The following SLC25A48 variants were observed in gnomAD, a reference collection of about 807,000 sequenced individuals.
The protein encoded by SLC25A48 is solute carrier family 25 member 48, also known as CTC-321K16.1.
Under a neutral mutation model 32.2 loss-of-function variants are expected in SLC25A48, and 29 were observed. The ratio of observed to expected loss-of-function variants is 0.90; its 90% CI spans 0.67 to 1.23. The LOEUF (loss-of-function observed/expected upper bound fraction) is 1.23. Ranked by LOEUF, SLC25A48 falls within the 50% of genes most tolerant of loss-of-function variation. The pLI is 0.00. For synonymous variants in SLC25A48, 164 were observed against 172.3 expected (o/e 0.95, Z 0.38); for missense variants, 399 against 422.7 (o/e 0.94, Z 0.49).
At chr5:135,782,784 T>C in intron 3 of SLC25A48, among the ~76,000 whole-genome samples, 1 of 118,852 alleles carries the variant, frequency 8.4e-6, no homozygotes, top group Non-Finnish European at 2.1e-5. Context: ...ACTCCCAATA[T>C]CCCTGGGCGT....
intron 3 of SLC25A48, among the ~76,000 whole-genome samples, chr5:135,771,106 AC>A (rs1202748130): frequency 2.0e-5 from 3 of 150,886 alleles, no homozygotes; most frequent in Admixed American, 2.0e-4. Context: ...GGGGGTGTAC[AC>A]CCCCCCGGTG....
rs547331451 is a variant in SLC25A48 at position 135,871,512 on chromosome 5, A to T, written c.473A>T (p.Tyr158Phe). 2.6e-4 allele frequency: 420 copies of T among 1,610,534 alleles called. 5 individuals carry two copies. In the East Asian group the frequency reaches 9.3e-3, roughly 35 times the overall value. The change falls in exon 5 of 8, where the codon TAC (tyrosine) becomes TTC (phenylalanine). Residue 158 changes from tyrosine to phenylalanine, a missense_variant. Physicochemically the swap from Tyr to Phe is conservative, Grantham distance 22. Transcript: ENST00000681962. Reference protein sequence around the residue: ...RAVAPAEQPAYQGPVHCITTI... With the variant: ...RAVAPAEQPAFQGPVHCITTI... Reference sequence around the variant, plus strand: ...GTGGCTCCTGCGGAGCAGCCAGCATACCAGGGGCCAGTGCACTGCATTACA... The same window carrying T: ...GTGGCTCCTGCGGAGCAGCCAGCATTCCAGGGGCCAGTGCACTGCATTACA...
chr5:135,755,867 T>G (rs1755890097), intron 3 of SLC25A48, among the ~76,000 whole-genome samples: 1 of 141,278 alleles, frequency 7.1e-6, no homozygotes. Context: ...CGCTGTGATA[T>G]TTATCATATC....
intron 3 of SLC25A48, among the ~76,000 whole-genome samples, chr5:135,653,039 G>A (rs1753153927): frequency 6.6e-6 from 1 of 152,192 alleles, no homozygotes; most frequent in Non-Finnish European, 1.5e-5. Flanking sequence ...TCTGCCATGT[G>A]AGAACACAGC....
chr5:135,691,055 T>C (rs1728905556), intron 3 of SLC25A48, among the ~76,000 whole-genome samples: 1 of 152,150 alleles, frequency 6.6e-6, no homozygotes, highest in East Asian at 1.9e-4. Flanking sequence ...GTGAAATCAA[T>C]GAATTAAGGA....
At chr5:135,711,699 C>T (rs566954934) in intron 3 of SLC25A48, among the ~76,000 whole-genome samples, 7 of 152,308 alleles carry the variant, frequency 4.6e-5, no homozygotes, top group African/African-American at 1.4e-4. Context: ...GTCTTTCCAG[C>T]GCATTAAAAT....
intron 3 of SLC25A48, among the ~76,000 whole-genome samples, chr5:135,755,516 T>G (rs1352135232): frequency 6.6e-6 from 1 of 152,042 alleles, no homozygotes; most frequent in Non-Finnish European, 1.5e-5. Flanking sequence ...ATGGTATTAA[T>G]GAAATATCAC....
intron 3 of SLC25A48, chr5:135,671,611 T>C (rs1184533551): frequency 6.6e-6 from 1 of 152,138 alleles, no homozygotes; most frequent in Non-Finnish European, 1.5e-5. Flanking sequence ...CCCCGCCCCA[T>C]TAACATTTGA....
intron 3 of SLC25A48, among the ~76,000 whole-genome samples, chr5:135,779,146 C>T (rs1452495428): frequency 6.6e-6 from 1 of 151,798 alleles, no homozygotes; most frequent in Non-Finnish European, 1.5e-5. Flanking sequence ...CGTACACCCA[C>T]CCCCTCTGTG....
At chr5:135,843,053 C>T (rs1759133578) in intron 2 of SLC25A48, among the ~76,000 whole-genome samples, 1 of 152,232 alleles carries the variant, frequency 6.6e-6, no homozygotes, top group African/African-American at 2.4e-5. Context: ...CCTTTCTCCC[C>T]ATCTTGCTCC....
chr5:135,780,368 G>A (rs1198479801), intron 3 of SLC25A48, among the ~76,000 whole-genome samples: 1 of 116,598 alleles, frequency 8.6e-6, no homozygotes, highest in African/African-American at 2.6e-5. Flanking sequence ...TTACAGGCGT[G>A]AGCCACCGCG....
At chr5:135,868,638 G>A (rs1761394881) in intron 4 of SLC25A48, among the ~76,000 whole-genome samples, 1 of 150,318 alleles carries the variant, frequency 6.7e-6, no homozygotes, top group Admixed American at 6.7e-5. Context: ...ATGTATGAAT[G>A]TGTAAAAATA....
Position 135,624,010 on chromosome 5 carries a change from G to A in SLC25A48, c.-848-5227G>A, listed in dbSNP as rs372021265. Among the ~76,000 whole-genome samples the A allele has an allele frequency of 7.2e-5, 11 of 152,316 alleles. No homozygotes were observed. The East Asian group carries it at 1.2e-3, about 16-fold the overall frequency. On this transcript the variant is annotated intron_variant, in intron 1 of 10. Transcript: ENST00000646290. ...AAGGGCTCCCTGTGCTGCTTCTCTT[G>A]TCAGTAGGAGAGGCTCTGGGGATGG... is the stretch of plus-strand genomic sequence containing the variant.
rs553720954 is a variant in SLC25A48 at position 135,815,565 on chromosome 5, C to T, written c.-117+2639C>T. 6.6e-5 allele frequency among the ~76,000 whole-genome samples: 10 copies of T among 152,316 alleles called. No homozygotes were observed. The East Asian group carries it at 1.3e-3, about 21-fold the overall frequency. ...AAAGGCCTGAGGGGCTGCCTTTGAA[C>T]TCTCTCTATGTATGGGTAAGGGCAA... On this transcript the variant is annotated intron_variant, in intron 4 of 10. Transcript: ENST00000646290.
At chr5:135,743,056 CTCCCT>C (rs1755546440) in intron 3 of SLC25A48, among the ~76,000 whole-genome samples, 1 of 51,554 alleles carries the variant, frequency 1.9e-5, no homozygotes, top group Non-Finnish European at 4.1e-5. Context: ...CTCCCCTCCC[CTCCCT>C]TCCCTTCCCT....
At chr5:135,596,680 C>A (rs1466282656) in intron 1 of SLC25A48, among the ~76,000 whole-genome samples, 3 of 152,154 alleles carry the variant, frequency 2.0e-5, no homozygotes, top group Non-Finnish European at 4.4e-5. Context: ...ATTTGCCACC[C>A]CCTCCATTCT....
chr5:135,854,997 G>A (rs1406460094), intron 4 of SLC25A48, among the ~76,000 whole-genome samples: 1 of 152,228 alleles, frequency 6.6e-6, no homozygotes, highest in Non-Finnish European at 1.5e-5. Flanking sequence ...TGAGGAGAGG[G>A]AGAGAGATAG....
At chr5:135,658,776 C>A (rs1753315991) in intron 3 of SLC25A48, among the ~76,000 whole-genome samples, 1 of 152,352 alleles carries the variant, frequency 6.6e-6, no homozygotes, top group South Asian at 2.1e-4. Context: ...AGGACCAATA[C>A]TCCATAGAAG....
At chr5:135,883,574 A>G (rs1026766745) in intron 7 of SLC25A48, 11 of 715,824 alleles carry the variant, frequency 1.5e-5, no homozygotes, top group African/African-American at 1.9e-5. Flanking sequence ...ACCCCTCCAC[A>G]CAGGTGAGGA....
Sources: gnomAD v4.1 joint callset for allele counts (sites outside exome capture counted in the v4.1 genomes callset) on GRCh38, gnomAD v4.1.1 for gene constraint, MANE v1.5 for transcripts, NCBI Gene and HGNC (gene_info 2026-07-23, HGNC 2026-07-21) for gene names.